Variants in TANK observed in about 807,000 individuals in gnomAD.
TANK encodes the protein TRAF family member-associated NF-kappa-B activator.
In TANK, 15 loss-of-function variants were observed where a neutral mutation model predicts 43.6. The ratio of observed to expected loss-of-function variants is 0.34; its 90% CI spans 0.23 to 0.53. TANK has a LOEUF of 0.53. TANK is among the 20% of genes least tolerant of loss of function. TANK has a pLI of 0.94. For synonymous variants in TANK, 162 were observed against 178.2 expected (o/e 0.91, Z 0.73); for missense variants, 417 against 498.6 (o/e 0.84, Z 1.56).
intron 1 of TANK, among the ~76,000 whole-genome samples, chr2:161,153,197 T>A (rs558028351): frequency 6.6e-6 from 1 of 152,112 alleles, no homozygotes; most frequent in Admixed American, 6.5e-5. Flanking sequence ...ATTTATATCA[T>A]GTTTTTATAT....
chr2:161,225,899 A>C (rs1687591342), intron 6 of TANK, among the ~76,000 whole-genome samples: 1 of 152,284 alleles, frequency 6.6e-6, no homozygotes, highest in East Asian at 1.9e-4. Context: ...ATCTTTGTAG[A>C]CAGACATAAT....
rs1326445297 is a variant in TANK, at chr2:161,179,729, A to G, written c.67A>G (p.Arg23Gly). 6.2e-7 allele frequency: 1 copy of G among 1,612,256 alleles called. No homozygotes were observed. Among genetic ancestry groups the G allele is most frequent in the Non-Finnish European group, 8.5e-7 (1 of 1,178,984 alleles). The change falls in exon 2 of 8, where the codon AGA (arginine) becomes GGA (glycine). Residue 23 changes from arginine (R) to glycine (G), a missense_variant. Coordinates refer to ENST00000392749, the MANE Select transcript of TANK (RefSeq NM_001199135.3). ...AGCCTTCCGGCAGGCATGCATGGATAGAGATTCTGCAGTAAAAGAATTACA... is the reference window on the plus strand; with the variant it reads ...AGCCTTCCGGCAGGCATGCATGGATGGAGATTCTGCAGTAAAAGAATTACA... The part of the protein sequence containing the change: ...YEAFRQACMD[R>G]DSAVKELQQK...
rs765269026 is a variant in TANK, at chr2:161,231,449, C to A, written c.999C>A (p.Asp333Glu). Reference sequence around the variant, plus strand: ...GAGCTGCGTGTTTGCCACCTGGAGACCATAATGCATTATATGTAAATAGCT... The same window carrying A: ...GAGCTGCGTGTTTGCCACCTGGAGAACATAATGCATTATATGTAAATAGCT... ...LDRAACLPPG[D>E]HNALYVNSFP... Residue 333 changes from aspartate (D) to glutamate (E), a missense_variant, in exon 7 of 8, where the codon GAC (aspartate) becomes GAA (glutamate). Coordinates refer to ENST00000392749, the MANE Select transcript of TANK (RefSeq NM_001199135.3). 5 of 1,614,138 alleles carry A rather than the reference C, an allele frequency of 3.1e-6. No homozygotes were observed.
chr2:161,150,904 T>A (rs376253533), intron 1 of TANK, among the ~76,000 whole-genome samples: 1 of 152,314 alleles, frequency 6.6e-6, no homozygotes, highest in Admixed American at 6.5e-5. Context: ...ACATCTTTTT[T>A]AATATGAACA....
At chr2:161,145,119 G>A (rs986446159) in intron 1 of TANK, among the ~76,000 whole-genome samples, 5 of 144,300 alleles carry the variant, frequency 3.5e-5, no homozygotes, top group African/African-American at 1.3e-4. Context: ...AGGAGACTAG[G>A]ACTGCAACCC....
chr2:161,183,043 A>G (rs1358574036), intron 2 of TANK, among the ~76,000 whole-genome samples: 2 of 152,130 alleles, frequency 1.3e-5, no homozygotes, highest in Non-Finnish European at 2.9e-5. Flanking sequence ...CATGGACAAA[A>G]ACCTAATCAT....
At chr2:161,186,711 A>G (rs573989142) in intron 2 of TANK, among the ~76,000 whole-genome samples, 2 of 152,332 alleles carry the variant, frequency 1.3e-5, no homozygotes, top group South Asian at 2.1e-4. Context: ...AAATTACACA[A>G]CAAAAGAAAC....
intron 1 of TANK, 54 bp downstream of exon 1, chr2:161,160,540 G>T (rs1684368920): frequency 2.4e-6 from 3 of 1,259,808 alleles, no homozygotes; most frequent in Non-Finnish European, 3.0e-6. Flanking sequence ...GCACGACGTC[G>T]GAGAATTTGT....
intron 1 of TANK, among the ~76,000 whole-genome samples, chr2:161,151,134 G>T (rs535763225): frequency 1.3e-5 from 2 of 152,158 alleles, no homozygotes; most frequent in African/African-American, 4.8e-5. Flanking sequence ...TTTGGTTGGA[G>T]AAGATACTTT....
chr2:161,203,822 C>A (rs914539055), intron 3 of TANK, among the ~76,000 whole-genome samples: 4 of 152,216 alleles, frequency 2.6e-5, no homozygotes, highest in African/African-American at 9.6e-5. Context: ...TATAAAACTT[C>A]CTAAAAAGCA....
chr2:161,198,037 A>C (rs994910523), intron 2 of TANK, among the ~76,000 whole-genome samples: 1 of 152,216 alleles, frequency 6.6e-6, no homozygotes, highest in Non-Finnish European at 1.5e-5. Context: ...TCATCTTAAC[A>C]CTATCTAAGT....
chr2:161,208,548 A>C (rs1332149239), intron 4 of TANK, among the ~76,000 whole-genome samples: 1 of 152,144 alleles, frequency 6.6e-6, no homozygotes, highest in Non-Finnish European at 1.5e-5. Context: ...GCTTAGAACG[A>C]CAAATTTACC....
intron 1 of TANK, among the ~76,000 whole-genome samples, chr2:161,173,561 C>A (rs529725751): frequency 2.6e-4 from 40 of 152,000 alleles, no homozygotes; most frequent in African/African-American, 9.2e-4. Context: ...GCGTAAATCT[C>A]TAGTGAACCA....
chr2:161,181,265 A>T (rs1685410046), intron 2 of TANK, among the ~76,000 whole-genome samples: 1 of 152,168 alleles, frequency 6.6e-6, no homozygotes. Context: ...TACTGAAAAT[A>T]CAAAATTAGC....
intron 2 of TANK, among the ~76,000 whole-genome samples, chr2:161,189,520 G>A (rs1478613094): frequency 6.6e-6 from 1 of 152,000 alleles, no homozygotes; most frequent in African/African-American, 2.4e-5. Flanking sequence ...ATTCACCATA[G>A]TACTGAAAGT....
chr2:161,219,063 CT>C, intron 4 of TANK, among the ~76,000 whole-genome samples: 1 of 152,236 alleles, frequency 6.6e-6, no homozygotes, highest in African/African-American at 2.4e-5. Context: ...TATTTCTTCC[CT>C]TTAAAGAAAT....
chr2:161,195,835 C>CT (rs1436162030), intron 2 of TANK, among the ~76,000 whole-genome samples: 6 of 152,056 alleles, frequency 3.9e-5, no homozygotes, highest in Non-Finnish European at 1.5e-5. Context: ...AATACTAGCA[C>CT]TTTTTTTGGG....
intron 2 of TANK, among the ~76,000 whole-genome samples, chr2:161,189,805 G>T (rs929696026): frequency 3.3e-5 from 5 of 152,072 alleles, no homozygotes; most frequent in Non-Finnish European, 7.4e-5. Flanking sequence ...TCATTAATTG[G>T]ACCCTTGCCT....
At chr2:161,153,505 T>C (rs1021142338) in intron 1 of TANK, among the ~76,000 whole-genome samples, 3 of 151,744 alleles carry the variant, frequency 2.0e-5, no homozygotes, top group South Asian at 2.1e-4. Flanking sequence ...CTGGGCAACA[T>C]GGTGAAACCC....
Sources: gnomAD v4.1 joint callset for allele counts (sites outside exome capture counted in the v4.1 genomes callset) on GRCh38, gnomAD v4.1.1 for gene constraint, MANE v1.5 for transcripts, NCBI Gene and HGNC (gene_info 2026-07-23, HGNC 2026-07-21) for gene names.